Variants in RIMS2 observed in about 807,000 individuals in gnomAD.
RIMS2 encodes regulating synaptic membrane exocytosis protein 2.
A neutral mutation model predicts 174.4 loss-of-function variants in RIMS2; 59 were observed. The ratio of observed to expected loss-of-function variants is 0.34; its 90% CI spans 0.27 to 0.42. The LOEUF is 0.42. RIMS2 is among the 10% of genes least tolerant of loss of function. The pLI is 1.00. For missense variants in RIMS2, 1,620 were observed against 1,666.3 expected (o/e 0.97, Z 0.48); for synonymous variants, 606 against 572.5 (o/e 1.06, Z -0.84).
chr8:103,835,820 A>G (rs2098883269), intron 3 of RIMS2, among the ~76,000 whole-genome samples: 1 of 152,212 alleles, frequency 6.6e-6, no homozygotes, highest in African/African-American at 2.4e-5. Context: ...TAATTAAATA[A>G]TCACTGTATT....
intron 1 of RIMS2, among the ~76,000 whole-genome samples, chr8:103,546,465 G>A (rs979243938): frequency 3.1e-4 from 47 of 152,084 alleles, no homozygotes; most frequent in African/African-American, 1.1e-3. Flanking sequence ...CAGTATTAGA[G>A]ACATCATAGA....
intron 19 of RIMS2, among the ~76,000 whole-genome samples, chr8:104,065,705 A>C (rs1157375228): frequency 6.6e-6 from 1 of 152,112 alleles, no homozygotes; most frequent in Non-Finnish European, 1.5e-5. Context: ...GTAAAAGGAT[A>C]TTTACTCAAG....
intron 14 of RIMS2, among the ~76,000 whole-genome samples, chr8:103,955,799 A>G (rs990718141): frequency 1.3e-5 from 2 of 152,112 alleles, no homozygotes; most frequent in Admixed American, 6.6e-5. Context: ...TAGGAAAAAG[A>G]GAAGTCAGAT....
At chr8:103,964,961 A>G (rs1229943165) in intron 15 of RIMS2, among the ~76,000 whole-genome samples, 19 of 152,160 alleles carry the variant, frequency 1.2e-4, no homozygotes. Context: ...AGATCAGTTC[A>G]ATATATGTAT....
At chr8:103,588,555 A>G (rs1177488933) in intron 1 of RIMS2, among the ~76,000 whole-genome samples, 1 of 152,032 alleles carries the variant, frequency 6.6e-6, no homozygotes, top group Non-Finnish European at 1.5e-5. Flanking sequence ...TGGCATAAAA[A>G]CAGACATGTA....
intron 19 of RIMS2, among the ~76,000 whole-genome samples, chr8:104,142,478 A>G (rs1289727543): frequency 1.3e-5 from 2 of 152,178 alleles, no homozygotes; most frequent in Non-Finnish European, 2.9e-5. Flanking sequence ...GGAATGTGAC[A>G]TGTTAAAAGG....
In RIMS2 at chr8:104,126,801, T is replaced by C. The variant is rs1177972611; in HGVS notation, c.3334+112186T>C. Among the ~76,000 whole-genome samples the C allele has an allele frequency of 2.0e-5, 3 of 152,182 alleles. No individual in the cohort carries two copies. The East Asian group carries it at 5.8e-4, about 29-fold the overall frequency. On this transcript the variant is annotated intron_variant, in intron 19 of 23. Coordinates refer to ENST00000504942, the Ensembl canonical transcript of RIMS2. Reference sequence around the variant, plus strand: ...ACATTGATGGCATTAGTAAAAATTATTTTTTAAAAAGGCAAGAAATAAATT... The same window carrying C: ...ACATTGATGGCATTAGTAAAAATTACTTTTTAAAAAGGCAAGAAATAAATT...
At chr8:103,863,593 AG>A (rs1394055816) in intron 3 of RIMS2, among the ~76,000 whole-genome samples, 2 of 146,868 alleles carry the variant, frequency 1.4e-5, no homozygotes, top group Non-Finnish European at 3.0e-5. Flanking sequence ...TATTGTTGGA[AG>A]TTTTTTTTTT....
chr8:103,845,445 C>T (rs1320101471), intron 3 of RIMS2, among the ~76,000 whole-genome samples: 2 of 152,058 alleles, frequency 1.3e-5, no homozygotes, highest in Non-Finnish European at 2.9e-5. Context: ...TGATGCCTTA[C>T]AATTAATCAC....
At chr8:103,568,989 T>C in intron 1 of RIMS2, 1 of 524,584 alleles carries the variant, frequency 1.9e-6, no homozygotes. Flanking sequence ...ACCGTGTTCC[T>C]ATCGCTCTTT....
At chr8:104,141,335 TC>T (rs2098568998) in intron 19 of RIMS2, among the ~76,000 whole-genome samples, 1 of 152,174 alleles carries the variant, frequency 6.6e-6, no homozygotes, top group Non-Finnish European at 1.5e-5. Context: ...TAGTAAAGGT[TC>T]AATATATAGA....
At chr8:103,607,002 T>C (rs2095127147) in intron 1 of RIMS2, among the ~76,000 whole-genome samples, 1 of 152,086 alleles carries the variant, frequency 6.6e-6, no homozygotes, top group Non-Finnish European at 1.5e-5. Flanking sequence ...TCCATTTACA[T>C]TTAAAGTTAA....
At chr8:104,243,810 A>G (rs1026487750) in intron 19 of RIMS2, among the ~76,000 whole-genome samples, 1 of 152,202 alleles carries the variant, frequency 6.6e-6, no homozygotes, top group African/African-American at 2.4e-5. Flanking sequence ...TCGAGTACAA[A>G]TCATTTGGAC....
intron 19 of RIMS2, among the ~76,000 whole-genome samples, chr8:104,185,934 G>A (rs934898559): frequency 1.4e-4 from 21 of 151,590 alleles, no homozygotes; most frequent in Non-Finnish European, 3.1e-4. Context: ...GTACCCATAT[G>A]TTTATCATGG....
chr8:104,184,555 A>G (rs773844616), intron 19 of RIMS2, among the ~76,000 whole-genome samples: 1 of 151,538 alleles, frequency 6.6e-6, no homozygotes, highest in Non-Finnish European at 1.5e-5. Flanking sequence ...ATCCTTTCTG[A>G]TAGTATCAAG....
chr8:104,068,525 A>G, intron 19 of RIMS2: 2 of 1,507,386 alleles, frequency 1.3e-6, no homozygotes, highest in Non-Finnish European at 1.8e-6. Context: ...CTATGGATAT[A>G]GAGGAGAGAA....
chr8:103,998,509 A>G (rs1203413100), intron 17 of RIMS2, among the ~76,000 whole-genome samples: 2 of 151,768 alleles, frequency 1.3e-5, no homozygotes, highest in South Asian at 2.1e-4. Flanking sequence ...CAGGAATTAC[A>G]GTTAACTCTC....
At chr8:103,818,874 C>G (rs1405019879) in intron 3 of RIMS2, among the ~76,000 whole-genome samples, 1 of 152,060 alleles carries the variant, frequency 6.6e-6, no homozygotes, top group South Asian at 2.1e-4. Context: ...GATAAATGCT[C>G]TATTGTTGAT....
At position 104,190,072 on chromosome 8, in the gene RIMS2, G is replaced by A. The variant is rs117390956; in HGVS notation, c.3335-54844G>A. Among the ~76,000 whole-genome samples the A allele has an allele frequency of 3.7e-4, 56 of 152,106 alleles. No homozygotes were observed. In the East Asian group the frequency reaches 7.7e-3, roughly 21 times the overall value. On this transcript the variant is annotated intron_variant, in intron 19 of 23. Coordinates refer to ENST00000504942, the Ensembl canonical transcript of RIMS2. ...TAATCCCAACACTTTGGGAGGCTGA[G>A]GGGGAGGATTACTTGAGGCCAGAAG...
Sources: gnomAD v4.1 joint callset for allele counts (sites outside exome capture counted in the v4.1 genomes callset) on GRCh38, gnomAD v4.1.1 for gene constraint, MANE v1.5 for transcripts, NCBI Gene and HGNC (gene_info 2026-07-23, HGNC 2026-07-21) for gene names.